ATAD2B: variants seen among roughly 807,000 people sequenced by gnomAD.
The protein encoded by ATAD2B is ATPase family AAA domain-containing protein 2B.
Under a neutral mutation model 167.6 loss-of-function variants are expected in ATAD2B, and 40 were observed. The ratio of observed to expected loss-of-function variants is 0.24; its 90% confidence interval spans 0.19 to 0.31. The LOEUF is 0.31. ATAD2B is among the 10% of genes least tolerant of loss of function. The pLI is 1.00. For synonymous variants in ATAD2B, 579 were observed against 596.5 expected, an observed-to-expected ratio of 0.97 and a Z score of 0.43; for missense variants, 1,242 against 1,757.2, an observed-to-expected ratio of 0.71 and a Z score of 5.24.
chr2:23,895,935 G>A lies in ATAD2B; in HGVS notation c.252C>T (p.His84=), dbSNP rs769399505. ...VEVDGSLSDS[H]VSPPAKRTLK... is the part of the protein sequence containing the mutation. ...AAGTGCGTTTGGCTGGAGGAGATAC[G>A]TGGCTATCACTTAAACTACCATCAA... The change falls in exon 2 of 28, where the codon CAC becomes CAT. Residue 84 remains histidine, a synonymous_variant. Coordinates refer to ENST00000238789, the MANE Select transcript of ATAD2B (RefSeq NM_017552.4). The A allele has an allele frequency of 9.5e-5, 153 of 1,612,930 alleles. No individual in the cohort carries two copies. The highest frequency in any genetic ancestry group is 1.3e-4 in the African/African-American group (10 of 74,862).
At chr2:23,881,522 C>T (rs932540172) in intron 6 of ATAD2B, among the ~76,000 whole-genome samples, 14 of 150,470 alleles carry the variant, frequency 9.3e-5, no homozygotes, top group African/African-American at 2.9e-4. Context: ...CCACCACGCC[C>T]GGCTCATTTT....
chr2:23,736,983 C>T, the ATAD2B span, among the ~76,000 whole-genome samples: 7 of 152,192 alleles, frequency 4.6e-5, no homozygotes, highest in African/African-American at 9.7e-5. Flanking sequence ...AAGGCAGCAG[C>T]GAGGCTGGGG....
chr2:23,758,208 A>T, intron 24 of ATAD2B, 107 bp from the exon 25 acceptor site: 1 of 828,256 alleles, frequency 1.2e-6, no homozygotes, highest in East Asian at 2.7e-5. Context: ...ATGCTGATGT[A>T]ACACACAAAA....
chr2:23,696,402 T>C, the ATAD2B span: 1 of 1,551,464 alleles, frequency 6.4e-7, no homozygotes, highest in Non-Finnish European at 8.7e-7. This position sits in a 1 kb window ranked among gnomAD's most constrained non-coding sequence, Gnocchi z 5.5. Context: ...AACTGGAACC[T>C]CGTCTCCAGA....
chr2:23,918,877 A>T (rs1414358782), intron 1 of ATAD2B, among the ~76,000 whole-genome samples: 1 of 152,208 alleles, frequency 6.6e-6, no homozygotes, highest in African/African-American at 2.4e-5. Flanking sequence ...CTCTAAGGCA[A>T]CTCAGTTTCC....
chr2:23,882,201 T>A (rs996456135), intron 6 of ATAD2B, among the ~76,000 whole-genome samples: 1 of 151,860 alleles, frequency 6.6e-6, no homozygotes, highest in African/African-American at 2.4e-5. Context: ...TCTCTATTTT[T>A]TTTTTATTTT....
chr2:23,821,432 C>T (rs1687432874), intron 16 of ATAD2B, among the ~76,000 whole-genome samples: 1 of 152,184 alleles, frequency 6.6e-6, no homozygotes, highest in Non-Finnish European at 1.5e-5. Flanking sequence ...TGGCATCGTG[C>T]CTGGCTCACA....
chr2:23,780,048 C>T (rs1447313646), intron 22 of ATAD2B, among the ~76,000 whole-genome samples: 1 of 152,022 alleles, frequency 6.6e-6, no homozygotes, highest in Non-Finnish European at 1.5e-5. Context: ...AGTTTGAGAC[C>T]AGCCTGGGCA....
At chr2:23,695,326 C>T in the ATAD2B span, among the ~76,000 whole-genome samples, 1 of 152,096 alleles carries the variant, frequency 6.6e-6, no homozygotes, top group Non-Finnish European at 1.5e-5. The surrounding 1 kb of genome is among the most constrained non-coding windows in gnomAD (Gnocchi z 7.6). Flanking sequence ...GTCCACAGCC[C>T]CAGGTGGAGT....
At chr2:23,738,127 A>T in the ATAD2B span, among the ~76,000 whole-genome samples, 4 of 152,260 alleles carry the variant, frequency 2.6e-5, no homozygotes, top group African/African-American at 9.6e-5. Flanking sequence ...AACACTCTGT[A>T]GGATATTATC....
At chr2:23,738,066 C>T in the ATAD2B span, among the ~76,000 whole-genome samples, 1 of 152,196 alleles carries the variant, frequency 6.6e-6, no homozygotes, top group African/African-American at 2.4e-5. Flanking sequence ...ACCAAATCTA[C>T]ATCTGATTGG....
At chr2:23,752,556 G>A (rs145697662) in intron 27 of ATAD2B, among the ~76,000 whole-genome samples, 38 of 151,456 alleles carry the variant, frequency 2.5e-4, no homozygotes, top group African/African-American at 8.5e-4. Flanking sequence ...TTGAACAAAC[G>A]TATTACTATC....
the ATAD2B span, among the ~76,000 whole-genome samples, chr2:23,693,012 G>T: frequency 1.3e-5 from 2 of 152,288 alleles, no homozygotes; most frequent in East Asian, 3.9e-4. Context: ...ATGCCTCCCA[G>T]TCTCGGTCCT....
At chr2:23,688,606 C>T in the ATAD2B span, among the ~76,000 whole-genome samples, 1 of 152,058 alleles carries the variant, frequency 6.6e-6, no homozygotes, top group African/African-American at 2.4e-5. Flanking sequence ...CACCCCCACG[C>T]CCAGAAGTAG....
intron 13 of ATAD2B, among the ~76,000 whole-genome samples, chr2:23,849,266 C>T (rs1692183412): frequency 6.6e-6 from 1 of 152,122 alleles, no homozygotes; most frequent in African/African-American, 2.4e-5. Flanking sequence ...AAATATACCA[C>T]ACAAACAGCA....
intron 17 of ATAD2B, among the ~76,000 whole-genome samples, chr2:23,818,149 GAGA>G (rs1686813830): frequency 1.4e-5 from 2 of 139,382 alleles, no homozygotes; most frequent in East Asian, 4.2e-4. Flanking sequence ...CACAGAGAGA[GAGA>G]AGGAGGGAGG....
chr2:23,790,861 A>G (rs1331664723), intron 19 of ATAD2B, among the ~76,000 whole-genome samples: 2 of 152,206 alleles, frequency 1.3e-5, no homozygotes, highest in Non-Finnish European at 2.9e-5. Context: ...ACAGTTCAAT[A>G]ATGTTCAGTA....
At chr2:23,844,800 A>C (rs926544154) in intron 13 of ATAD2B, among the ~76,000 whole-genome samples, 1 of 152,158 alleles carries the variant, frequency 6.6e-6, no homozygotes, top group Non-Finnish European at 1.5e-5. Context: ...AGGAGACAGG[A>C]GGTGGGGACG....
chr2:23,740,204 G>A, the ATAD2B span, among the ~76,000 whole-genome samples: 1 of 152,154 alleles, frequency 6.6e-6, no homozygotes, highest in Non-Finnish European at 1.5e-5. Flanking sequence ...CATTTTATGA[G>A]GCCAGCATCA....
Sources: allele counts gnomAD v4.1 joint callset (sites outside exome capture counted in the v4.1 genomes callset), GRCh38; gene constraint gnomAD v4.1.1; non-coding constraint Gnocchi (gnomAD v3.1); transcripts MANE v1.5; gene names NCBI Gene and HGNC (gene_info 2026-07-23, HGNC 2026-07-21).